Variants in UGT3A2 observed in about 807,000 individuals in gnomAD.
UGT3A2 encodes UDP glycosyltransferase family 3 member A2, also known as UDP-glycosyltransferase 3A2.
In UGT3A2, 32 loss-of-function variants were observed where a neutral mutation model predicts 39.8. The ratio of observed to expected loss-of-function variants is 0.80; its 90% CI spans 0.61 to 1.08. The LOEUF (loss-of-function observed/expected upper bound fraction) is 1.08, where lower values mean the gene tolerates loss of function less well. UGT3A2 is among the 50% of genes least tolerant of loss of function. The pLI, the probability that UGT3A2 is intolerant of heterozygous loss-of-function variation, is 0.00. For synonymous variants in UGT3A2, 241 were observed against 230.7 expected (o/e 1.04, Z -0.40); for missense variants, 611 against 637.1 (o/e 0.96, Z 0.44).
At chr5:36,050,252 A>G (rs1742301448) in intron 3 of UGT3A2, among the ~76,000 whole-genome samples, 2 of 152,230 alleles carry the variant, frequency 1.3e-5, no homozygotes, top group South Asian at 4.1e-4. Context: ...ACATATGCCT[A>G]TGCAAAGGGA....
chr5:36,055,080 A>G (rs1742463563), intron 2 of UGT3A2, among the ~76,000 whole-genome samples: 1 of 151,828 alleles, frequency 6.6e-6, no homozygotes, highest in Non-Finnish European at 1.5e-5. Context: ...AGGAGGTTGC[A>G]GTGAGCTGAG....
Position 36,064,304 on chromosome 5 carries a change from T to C in UGT3A2, c.141A>G (p.Gln47=). 2 of 1,614,208 alleles carry C rather than the reference T, an allele frequency of 1.2e-6. No individual in the cohort carries two copies. Among genetic ancestry groups the C allele is most frequent in the Non-Finnish European group, 1.7e-6 (2 of 1,180,038 alleles). ...GCATGGTGACATTATGACCGTGATC[T>C]TGAAGAATCTGAGAAACCCGGTCCA... ...LLMDRVSQIL[Q]DHGHNVTMLN... Residue 47 remains glutamine, a synonymous_variant, in exon 2 of 7, where the codon CAA becomes CAG. Coordinates refer to ENST00000282507, the MANE Select transcript of UGT3A2 (RefSeq NM_174914.4).
At position 36,048,921 on chromosome 5, in the gene UGT3A2, A is replaced by G; in HGVS notation, c.811T>C (p.Leu271=). 1 of 1,614,104 alleles carries G rather than the reference A, an allele frequency of 6.2e-7. No homozygotes were observed. The highest frequency in any genetic ancestry group is 8.5e-7 in the Non-Finnish European group (1 of 1,179,992). Residue 271 remains leucine (L), a synonymous_variant, in exon 4 of 7, where the codon TTG becomes CTG. Transcript: ENST00000282507. ...ACTGGTTTAATAGGTTTTTCCATCA[A>G]GCCTCCAACATAAACAGTGTTGGGA... The part of the protein sequence containing the change: ...LLPNTVYVGG[L]MEKPIKPVPQ...
At chr5:36,042,434 A>G (rs1385451062) in intron 4 of UGT3A2, among the ~76,000 whole-genome samples, 2 of 152,180 alleles carry the variant, frequency 1.3e-5, no homozygotes, top group Admixed American at 1.3e-4. Flanking sequence ...CACCAGAGAA[A>G]ATCATTTTCA....
chr5:36,058,647 C>G (rs1742587723), intron 2 of UGT3A2, among the ~76,000 whole-genome samples: 1 of 152,158 alleles, frequency 6.6e-6, no homozygotes, highest in Non-Finnish European at 1.5e-5. Context: ...CCTGCTCATT[C>G]TACCCAATAA....
At position 36,039,724 on chromosome 5, in the gene UGT3A2, C is replaced by T. The variant is rs764695660; in HGVS notation, c.844-16G>A. 2 of 1,611,290 alleles carry T rather than the reference C, an allele frequency of 1.2e-6. No individual in the cohort carries two copies. The highest frequency in any genetic ancestry group is 2.2e-5 in the East Asian group (1 of 44,872). On this transcript the variant is annotated splice_polypyrimidine_tract_variant and intron_variant, in intron 4 of 6. Transcript: ENST00000282507. ...TCTCCAAGTCCTGGAGAAAGATTAC[C>T]AAGGTAAAGAGGTGACAAAATTATT...
chr5:36,042,718 A>G (rs1284072457), intron 4 of UGT3A2, among the ~76,000 whole-genome samples: 2 of 152,164 alleles, frequency 1.3e-5, no homozygotes, highest in Middle Eastern at 3.2e-3. Flanking sequence ...GGAAACCAAG[A>G]AAAAAGAAGG....
intron 4 of UGT3A2, among the ~76,000 whole-genome samples, chr5:36,044,752 T>A (rs1169089715): frequency 6.6e-6 from 1 of 151,880 alleles, no homozygotes; most frequent in East Asian, 1.9e-4. Flanking sequence ...CAAAATAAAA[T>A]ACCTAGGAAT....
At chr5:36,036,321 A>C (rs1741829788) in intron 6 of UGT3A2, among the ~76,000 whole-genome samples, 1 of 152,038 alleles carries the variant, frequency 6.6e-6, no homozygotes, top group South Asian at 2.1e-4. Context: ...GACAAGTCTC[A>C]CTCTGGGGAA....
intron 2 of UGT3A2, among the ~76,000 whole-genome samples, chr5:36,057,326 C>T (rs1301503855): frequency 1.3e-5 from 2 of 152,042 alleles, no homozygotes; most frequent in Non-Finnish European, 2.9e-5. Context: ...CCAAGCTCTA[C>T]GGATGAAATG....
At chr5:36,065,673 G>A (rs765083986) in intron 1 of UGT3A2, among the ~76,000 whole-genome samples, 1 of 152,152 alleles carries the variant, frequency 6.6e-6, no homozygotes, top group Non-Finnish European at 1.5e-5. Context: ...CTTCAGAGTG[G>A]AAGTTGTGGT....
intron 4 of UGT3A2, among the ~76,000 whole-genome samples, chr5:36,041,934 G>C (rs916114045): frequency 2.6e-5 from 4 of 152,052 alleles, no homozygotes; most frequent in Non-Finnish European, 1.5e-5. Flanking sequence ...TAATCCTGGA[G>C]ACACAGAAAA....
At chr5:36,041,814 A>G (rs1055294340) in intron 4 of UGT3A2, among the ~76,000 whole-genome samples, 1 of 152,150 alleles carries the variant, frequency 6.6e-6, no homozygotes, top group Non-Finnish European at 1.5e-5. Flanking sequence ...CAAAGATTAG[A>G]ATAAATACTT....
chr5:36,046,951 A>C (rs1365925470), intron 4 of UGT3A2, among the ~76,000 whole-genome samples: 1 of 152,218 alleles, frequency 6.6e-6, no homozygotes, highest in African/African-American at 2.4e-5. Flanking sequence ...TAAGCCAAAG[A>C]GAAAAGTCAA....
intron 4 of UGT3A2, among the ~76,000 whole-genome samples, chr5:36,047,472 A>C (rs1742201778): frequency 6.6e-6 from 1 of 152,180 alleles, no homozygotes; most frequent in African/African-American, 2.4e-5. Context: ...TCTCTGCCCT[A>C]CAGGGGCTCA....
chr5:36,039,840 C>G, intron 4 of UGT3A2, 132 bp from the exon 5 acceptor site: 1 of 690,220 alleles, frequency 1.4e-6, no homozygotes, highest in Non-Finnish European at 2.5e-6. Context: ...TATTATAGCT[C>G]CTAGTATAGC....
chr5:36,055,015 T>G (rs1742460638), intron 2 of UGT3A2, among the ~76,000 whole-genome samples: 1 of 151,994 alleles, frequency 6.6e-6, no homozygotes, highest in African/African-American at 2.4e-5. Flanking sequence ...TCTGAAGGTA[T>G]AAAATTCTTG....
Position 36,043,922 on chromosome 5 carries a change from A to G in UGT3A2, c.844-4214T>C, listed in dbSNP as rs181598069. 3.8e-3 allele frequency among the ~76,000 whole-genome samples: 571 copies of G among 152,204 alleles called. 2 individuals are homozygous for G. Among genetic ancestry groups the G allele is most frequent in the African/African-American group, 0.013 (535 of 41,544 alleles). On this transcript the variant is annotated intron_variant, in intron 4 of 6. Transcript: ENST00000282507. ...ATGTCATCAATGCTGAATTTTACCA[A>G]ACATTTAAAGAACTAATACCAATCC...
intron 2 of UGT3A2, among the ~76,000 whole-genome samples, chr5:36,057,839 C>T (rs1341045051): frequency 6.6e-6 from 1 of 152,118 alleles, no homozygotes; most frequent in East Asian, 1.9e-4. Flanking sequence ...TATACCCAGC[C>T]AGTAGTTTCT....
Sources: gnomAD v4.1 joint callset for allele counts (sites outside exome capture counted in the v4.1 genomes callset) on GRCh38, gnomAD v4.1.1 for gene constraint, MANE v1.5 for transcripts, NCBI Gene and HGNC (gene_info 2026-07-23, HGNC 2026-07-21) for gene names.